ZBTB7C: variants seen among roughly 807,000 people sequenced by gnomAD.
The protein encoded by ZBTB7C is zinc finger and BTB domain-containing protein 7C.
Under a neutral mutation model 25.7 loss-of-function variants are expected in ZBTB7C, and 8 were observed. That is an observed-to-expected ratio of 0.31 (90% CI 0.18 to 0.56). ZBTB7C has a LOEUF of 0.56. Ranked by LOEUF, ZBTB7C falls within the 20% of genes least tolerant of loss-of-function variation. The pLI is 0.91. For missense variants in ZBTB7C, 824 were observed against 855.2 expected (o/e 0.96, Z 0.46); for synonymous variants, 394 against 369.0 (o/e 1.07, Z -0.78).
chr18:48,064,149 C>A (rs1418586405), intron 3 of ZBTB7C, among the ~76,000 whole-genome samples: 1 of 152,158 alleles, frequency 6.6e-6, no homozygotes, highest in Non-Finnish European at 1.5e-5. Flanking sequence ...CTGGAGGGCA[C>A]CCCACTAAGC....
chr18:48,367,479 T>C (rs72919597), intron 1 of ZBTB7C, among the ~76,000 whole-genome samples: 16,404 of 150,302 alleles, frequency 0.11, 1,050 homozygotes, highest in Non-Finnish European at 0.14. Context: ...CTTCTTTTGG[T>C]CTCATTTATC....
intron 2 of ZBTB7C, among the ~76,000 whole-genome samples, chr18:48,251,382 G>A (rs1166942027): frequency 1.3e-5 from 2 of 152,218 alleles, no homozygotes; most frequent in African/African-American, 4.8e-5. Context: ...CCACACTTGT[G>A]ATGCAGGATC....
At chr18:48,042,020 A>G (rs1598762925) in intron 3 of ZBTB7C, among the ~76,000 whole-genome samples, 4 of 152,216 alleles carry the variant, frequency 2.6e-5, no homozygotes, top group Admixed American at 2.0e-4. Flanking sequence ...AGAAGAAAGC[A>G]GGGCACGACA....
chr18:48,037,457 G>T lies in ZBTB7C; in HGVS notation c.1208+2443C>A, dbSNP rs552667703. 3.9e-5 allele frequency among the ~76,000 whole-genome samples: 6 copies of T among 152,346 alleles called. No homozygotes were observed. The South Asian group carries it at 1.2e-3, about 32-fold the overall frequency. Reference sequence around the variant, plus strand: ...ACAGCACTGCTGCCCAAACCAGGACGCCCACTCCCAGAGAATGTCCCAGGG... The same window carrying T: ...ACAGCACTGCTGCCCAAACCAGGACTCCCACTCCCAGAGAATGTCCCAGGG... On this transcript the variant is annotated intron_variant, in intron 4 of 4. Coordinates refer to ENST00000590800, the MANE Select transcript of ZBTB7C (RefSeq NM_001318841.2).
intron 3 of ZBTB7C, among the ~76,000 whole-genome samples, chr18:48,052,562 C>T (rs969426685): frequency 6.6e-6 from 1 of 152,094 alleles, no homozygotes; most frequent in Non-Finnish European, 1.5e-5. Flanking sequence ...GGACTTTACA[C>T]CAGGCAGAAA....
chr18:48,207,594 TATCTATCTATCTATCTATCTATCC>T (rs1435642226), intron 2 of ZBTB7C, among the ~76,000 whole-genome samples: 1 of 146,812 alleles, frequency 6.8e-6, no homozygotes, highest in African/African-American at 2.4e-5. Flanking sequence ...TCTATCTATC[TATCTATCTATCTATCTATCTATCC>T]ATCTAAAATA....
At chr18:48,409,056 C>T (rs1419217682) in intron 1 of ZBTB7C, among the ~76,000 whole-genome samples, 170 bp downstream of exon 1, 2 of 151,322 alleles carry the variant, frequency 1.3e-5, no homozygotes, top group Non-Finnish European at 1.5e-5. Flanking sequence ...CCAAGGCGCG[C>T]GGACCGCCGG....
chr18:48,086,670 T>A (rs1234015362), intron 3 of ZBTB7C, among the ~76,000 whole-genome samples: 1 of 152,210 alleles, frequency 6.6e-6, no homozygotes, highest in Non-Finnish European at 1.5e-5. Context: ...TGCAGATGCA[T>A]GTGAACTTTA....
chr18:48,175,443 T>C (rs972081086), intron 3 of ZBTB7C, among the ~76,000 whole-genome samples: 5 of 152,170 alleles, frequency 3.3e-5, no homozygotes, highest in African/African-American at 1.2e-4. Flanking sequence ...CATGTAGAAA[T>C]GGATTGGAAT....
chr18:48,400,761 C>T (rs992172272), intron 1 of ZBTB7C, among the ~76,000 whole-genome samples: 1 of 152,152 alleles, frequency 6.6e-6, no homozygotes, highest in African/African-American at 2.4e-5. Flanking sequence ...TTAATTTTAC[C>T]TACTTCTTTT....
intron 3 of ZBTB7C, among the ~76,000 whole-genome samples, chr18:48,160,981 G>C (rs187819523): frequency 6.7e-6 from 1 of 148,766 alleles, no homozygotes; most frequent in East Asian, 2.0e-4. Flanking sequence ...GTGGGGGGTC[G>C]TCTTTGATTG....
intron 3 of ZBTB7C, among the ~76,000 whole-genome samples, chr18:48,054,150 C>T (rs779317197): frequency 2.7e-4 from 41 of 152,104 alleles, no homozygotes; most frequent in Non-Finnish European, 5.3e-4. Context: ...GACGGTGAGG[C>T]AGGGGCCTCA....
At chr18:48,175,671 C>G (rs76191639) in intron 3 of ZBTB7C, among the ~76,000 whole-genome samples, 6,673 of 152,204 alleles carry the variant, frequency 0.044, 218 homozygotes, top group Non-Finnish European at 0.064. Flanking sequence ...ACCAGAGCCC[C>G]CCAGAGAAAT....
At chr18:48,134,066 T>C (rs1374639894) in intron 3 of ZBTB7C, among the ~76,000 whole-genome samples, 1 of 151,228 alleles carries the variant, frequency 6.6e-6, no homozygotes, top group Non-Finnish European at 1.5e-5. Context: ...GTATGCAATA[T>C]GATCTTGTGA....
intron 3 of ZBTB7C, among the ~76,000 whole-genome samples, chr18:48,061,708 T>C (rs897873274): frequency 6.6e-6 from 1 of 152,192 alleles, no homozygotes; most frequent in African/African-American, 2.4e-5. Flanking sequence ...AAAGGATGCT[T>C]ATTTTCAAAA....
chr18:48,114,121 A>G (rs950890622), intron 3 of ZBTB7C, among the ~76,000 whole-genome samples: 25 of 152,154 alleles, frequency 1.6e-4, no homozygotes, highest in African/African-American at 6.0e-4. Context: ...GCAGGCATGG[A>G]ACTCAAGAAA....
At chr18:48,196,777 G>T (rs780936960) in intron 2 of ZBTB7C, among the ~76,000 whole-genome samples, 1 of 152,030 alleles carries the variant, frequency 6.6e-6, no homozygotes, top group East Asian at 1.9e-4. Flanking sequence ...CCACCCAACC[G>T]ACCAACCAAC....
At chr18:48,074,537 C>T (rs1183566411) in intron 3 of ZBTB7C, among the ~76,000 whole-genome samples, 1 of 152,248 alleles carries the variant, frequency 6.6e-6, no homozygotes, top group African/African-American at 2.4e-5. Context: ...AGCCCAGCAG[C>T]TCAGAACCGC....
At chr18:48,323,134 C>G (rs1422195807) in intron 2 of ZBTB7C, among the ~76,000 whole-genome samples, 3 of 152,096 alleles carry the variant, frequency 2.0e-5, no homozygotes, top group African/African-American at 7.2e-5. Flanking sequence ...CAAATCACCA[C>G]TAAGGAACAT....
Sources: gnomAD v4.1 joint callset for allele counts (sites outside exome capture counted in the v4.1 genomes callset) on GRCh38, gnomAD v4.1.1 for gene constraint, MANE v1.5 for transcripts, NCBI Gene and HGNC (gene_info 2026-07-23, HGNC 2026-07-21) for gene names.